COG6: variants seen among roughly 807,000 people sequenced by gnomAD.
COG6 encodes component of oligomeric golgi complex 6.
Under a neutral mutation model 88.8 loss-of-function variants are expected in COG6, and 74 were observed. The observed-to-expected ratio is 0.83, with a 90% confidence interval of 0.69 to 1.01. COG6 has a LOEUF of 1.01. COG6 is among the 50% of genes least tolerant of loss of function. The pLI, the probability that COG6 is intolerant of heterozygous loss-of-function variation, is 0.00. For synonymous variants in COG6, 286 were observed against 278.7 expected (o/e 1.03, Z -0.26); for missense variants, 800 against 797.9 (o/e 1.00, Z -0.03).
Position 39,702,980 on chromosome 13 carries a change from C to A in COG6, c.1284+3362C>A, listed in dbSNP as rs149010444. ...CACTATCTTGCCATTAGCTTTAAAT[C>A]TCTTGCACCCTTGCCATTTTACCAC... On this transcript the variant is annotated intron_variant, in intron 13 of 18. Transcript: ENST00000455146. Among the ~76,000 whole-genome samples the A allele has an allele frequency of 3.9e-5, 6 of 152,200 alleles. No individual in the cohort carries two copies. The East Asian group carries it at 1.2e-3, about 29-fold the overall frequency.
At chr13:39,733,714 G>A (rs577237649) in intron 18 of COG6, among the ~76,000 whole-genome samples, 122 of 152,066 alleles carry the variant, frequency 8.0e-4, no homozygotes, top group Non-Finnish European at 1.3e-3. Context: ...AGTAGAATTA[G>A]CATTAGTTCT....
In COG6 at chr13:39,684,243, A is replaced by ATTTTTTTTTTTTTTT. The variant is rs1203671335; in HGVS notation, c.788+1990_788+2004dup. ...GGGGGCAGTAATGGCAATTTGGAAG[A>ATTTTTTTTTTTTTTT]TTTTTTTTTTTTTTTTTTTTTTTTT... On this transcript the variant is annotated intron_variant, in intron 8 of 18. Coordinates refer to ENST00000455146, the MANE Select transcript of COG6 (RefSeq NM_020751.3). Among the ~76,000 whole-genome samples the ATTTTTTTTTTTTTTT allele has an allele frequency of 2.1e-3, 143 of 67,364 alleles. 34 individuals carry two copies. The highest frequency in any genetic ancestry group is 4.8e-3 in the East Asian group (8 of 1,672). The allele number at this position is 67,364 out of a possible 152,430, so 44.2% of individuals were successfully genotyped here.
exon 19 of COG6, chr13:39,788,868 CT>C (rs1182542559): frequency 6.4e-6 from 1 of 155,176 alleles, no homozygotes; most frequent in Non-Finnish European, 1.4e-5. Flanking sequence ...ACAAAAGTTG[CT>C]TACTTCACCT....
intron 18 of COG6, among the ~76,000 whole-genome samples, chr13:39,761,760 G>T (rs993977153): frequency 6.7e-6 from 1 of 150,176 alleles, no homozygotes; most frequent in Non-Finnish European, 1.5e-5. Flanking sequence ...GTGGCCAACA[G>T]GTATATGAAA....
At chr13:39,778,899 A>G (rs544507708) in intron 18 of COG6, among the ~76,000 whole-genome samples, 1 of 152,344 alleles carries the variant, frequency 6.6e-6, no homozygotes, top group South Asian at 2.1e-4. Flanking sequence ...TGAGAAATCC[A>G]TGAGAATGCC....
In COG6 at chr13:39,751,530, G is replaced by C. The variant is rs1190642528; in HGVS notation, c.*437G>C. The stretch of plus-strand genomic sequence containing the variant: ...ATTCATTTGCTTTCTTTTAATATGA[G>C]TAGGCATACTTAGTAGCTTTTCTGA... On this transcript the variant is annotated 3_prime_UTR_variant, in exon 19 of 19. Coordinates refer to ENST00000455146, the MANE Select transcript of COG6 (RefSeq NM_020751.3). 3 of 1,285,886 alleles carry C rather than the reference G, an allele frequency of 2.3e-6. No homozygotes were observed. The highest frequency in any genetic ancestry group is 3.0e-6 in the Non-Finnish European group (3 of 987,696). The allele number at this position is 1,285,886 out of a possible 1,614,324, so 79.7% of individuals were successfully genotyped here.
At chr13:39,699,209 G>A (rs1043443286) in intron 12 of COG6, among the ~76,000 whole-genome samples, 1 of 150,616 alleles carries the variant, frequency 6.6e-6, no homozygotes, top group East Asian at 1.9e-4. Flanking sequence ...AGGAAAAATA[G>A]AGATAGGGTT....
In COG6 at chr13:39,719,270, C is replaced by A. The variant is rs746684540; in HGVS notation, c.1319C>A (p.Ser440Tyr). 2.5e-6 allele frequency: 4 copies of A among 1,612,790 alleles called. No individual in the cohort carries two copies. Among genetic ancestry groups the A allele is most frequent in the Non-Finnish European group, 3.4e-6 (4 of 1,179,142 alleles). The change falls in exon 14 of 19, where the codon TCT (serine) becomes TAT (tyrosine). Residue 440 changes from serine to tyrosine, a missense_variant. Ser to Tyr is a moderately radical substitution (Grantham distance 144, BLOSUM62 -2). Transcript: ENST00000455146. ...ELPPPDLGPS[S>Y]ALNQTLMLLR... ...CCACCACCTGATCTTGGACCAAGTTCTGCACTAAATCAGACACTCATGTTG... is the reference window on the plus strand; with the variant it reads ...CCACCACCTGATCTTGGACCAAGTTATGCACTAAATCAGACACTCATGTTG...
At position 39,784,611 on chromosome 13, in the gene COG6, G is replaced by A. The variant is rs560896910; in HGVS notation, c.1827-3724G>A. 4.6e-5 allele frequency among the ~76,000 whole-genome samples: 7 copies of A among 152,280 alleles called. No homozygotes were observed. In the East Asian group the frequency reaches 5.8e-4, roughly 13 times the overall value. On this transcript the variant is annotated intron_variant, in intron 18 of 18. Transcript: ENST00000416691. ...TGTAAAGGAGTGAATAATTCATGTGGCAATTGTCCAGATGTCTACAAGGAG... is the reference window on the plus strand; with the variant it reads ...TGTAAAGGAGTGAATAATTCATGTGACAATTGTCCAGATGTCTACAAGGAG...
At chr13:39,692,433 A>G (rs955162349) in intron 11 of COG6, among the ~76,000 whole-genome samples, 1 of 152,022 alleles carries the variant, frequency 6.6e-6, no homozygotes, top group Non-Finnish European at 1.5e-5. Context: ...GGGTTCTATG[A>G]AAGCAGGTAT....
chr13:39,665,726 G>A (rs7333700), intron 4 of COG6, among the ~76,000 whole-genome samples: 152,030 of 152,340 alleles, frequency 1, 75,861 homozygotes, highest in Non-Finnish European at 1. Context: ...AGTAGTATAG[G>A]GGGGGAGAAG....
At chr13:39,682,111 C>A in intron 7 of COG6, 60 bp from the exon 8 acceptor site, 1 of 1,201,020 alleles carries the variant, frequency 8.3e-7, no homozygotes, top group Non-Finnish European at 1.2e-6. Flanking sequence ...TGGAATGCAA[C>A]AGACATAATA....
rs749633214 is a variant in COG6 at position 39,679,968 on chromosome 13, T to C, written c.624-7T>C. 1.4e-6 allele frequency: 2 copies of C among 1,468,246 alleles called. No individual in the cohort carries two copies. The highest frequency in any genetic ancestry group is 1.4e-5 in the African/African-American group (1 of 71,764). The allele number at this position is 1,468,246 out of a possible 1,614,324, so 91.0% of individuals were successfully genotyped here. ...AGTTTAAATTATAATCATTAATTTTTTTTTAGTTTAGAAATTATGGAACAG... is the reference window on the plus strand; with the variant it reads ...AGTTTAAATTATAATCATTAATTTTCTTTTAGTTTAGAAATTATGGAACAG... On this transcript the variant is annotated splice_polypyrimidine_tract_variant and splice_region_variant and intron_variant, in intron 6 of 18. Transcript: ENST00000455146.
At chr13:39,785,756 C>T (rs1056997087) in intron 18 of COG6, among the ~76,000 whole-genome samples, 17 of 152,190 alleles carry the variant, frequency 1.1e-4, no homozygotes, top group African/African-American at 4.1e-4. Flanking sequence ...ACACCTCATA[C>T]AACATCTTGC....
intron 18 of COG6, among the ~76,000 whole-genome samples, chr13:39,764,399 C>A (rs1184392980): frequency 6.7e-6 from 1 of 150,086 alleles, no homozygotes; most frequent in African/African-American, 2.4e-5. Context: ...CTTTTACTTT[C>A]TTGGTATTTT....
intron 4 of COG6, among the ~76,000 whole-genome samples, chr13:39,672,879 G>A (rs1254323951): frequency 1.3e-5 from 2 of 151,996 alleles, no homozygotes; most frequent in Non-Finnish European, 2.9e-5. Flanking sequence ...GAGGATTCCA[G>A]TTTCTGTACA....
At position 39,737,911 on chromosome 13, in the gene COG6, T is replaced by C. The variant is rs116528766; in HGVS notation, c.1826+10363T>C. 7.7e-3 allele frequency among the ~76,000 whole-genome samples: 1,169 copies of C among 152,252 alleles called. 24 individuals carry two copies. The highest frequency in any genetic ancestry group is 0.026 in the African/African-American group (1,100 of 41,536). ...TGGATGCTGGCTGAGTTCTGCCTGG[T>C]GTTGCTTTCTGCTGTGACAGGGCAG... On this transcript the variant is annotated intron_variant, in intron 18 of 18. Transcript: ENST00000455146.
At chr13:39,689,072 T>G (rs1056985259) in intron 10 of COG6, among the ~76,000 whole-genome samples, 3 of 152,228 alleles carry the variant, frequency 2.0e-5, no homozygotes, top group Admixed American at 1.3e-4. Flanking sequence ...GTTCTCTTTC[T>G]GTTATTATTC....
chr13:39,689,900 C>A, intron 11 of COG6, 76 bp downstream of exon 11: 1 of 857,886 alleles, frequency 1.2e-6, no homozygotes, highest in Non-Finnish European at 1.9e-6. Context: ...ACTTAAGAAA[C>A]TGATACCAGC....
Sources: gnomAD v4.1 joint callset for allele counts (sites outside exome capture counted in the v4.1 genomes callset) on GRCh38, gnomAD v4.1.1 for gene constraint, MANE v1.5 for transcripts, NCBI Gene and HGNC (gene_info 2026-07-23, HGNC 2026-07-21) for gene names.